Variants in SMAP1 observed in about 807,000 individuals in gnomAD.
SMAP1 encodes stromal membrane-associated protein 1.
Under a neutral mutation model 58.5 loss-of-function variants are expected in SMAP1, and 24 were observed. That is an observed-to-expected ratio of 0.41 (90% CI 0.30 to 0.58). The LOEUF (loss-of-function observed/expected upper bound fraction) is 0.58. SMAP1 is among the 20% of genes least tolerant of loss of function. The pLI is 0.29. For missense variants in SMAP1, 563 were observed against 566.3 expected (o/e 0.99, Z 0.06); for synonymous variants, 216 against 196.6 (o/e 1.10, Z -0.82).
intron 1 of SMAP1, among the ~76,000 whole-genome samples, chr6:70,671,083 G>A (rs1766243820): frequency 6.6e-6 from 1 of 152,210 alleles, no homozygotes; most frequent in African/African-American, 2.4e-5. Flanking sequence ...TTAGTTGGTG[G>A]CACTTTAGGG....
At chr6:70,705,739 T>C (rs1376590805) in intron 1 of SMAP1, among the ~76,000 whole-genome samples, 2 of 152,176 alleles carry the variant, frequency 1.3e-5, no homozygotes, top group African/African-American at 4.8e-5. Context: ...AGCGTTCTTA[T>C]TGTGCCAGGT....
intron 2 of SMAP1, among the ~76,000 whole-genome samples, chr6:70,751,420 GCTTGA>G (rs1164348125): frequency 2.6e-5 from 4 of 151,772 alleles, no homozygotes; most frequent in African/African-American, 9.7e-5. Context: ...CTCCTCACTT[GCTTGA>G]CTTGTTTTTT....
chr6:70,749,260 A>G (rs1582109046), intron 2 of SMAP1, among the ~76,000 whole-genome samples: 1 of 152,298 alleles, frequency 6.6e-6, no homozygotes, highest in South Asian at 2.1e-4. Context: ...TGAGAACAGC[A>G]TGGGGGAACA....
chr6:70,680,344 A>T (rs920435958), intron 1 of SMAP1, among the ~76,000 whole-genome samples: 2 of 152,250 alleles, frequency 1.3e-5, no homozygotes, highest in African/African-American at 4.8e-5. Context: ...AATGAACTTC[A>T]TTAAAATTAA....
At chr6:70,742,876 A>G (rs958219271) in intron 2 of SMAP1, among the ~76,000 whole-genome samples, 24 of 152,226 alleles carry the variant, frequency 1.6e-4, no homozygotes, top group Admixed American at 1.6e-3. Flanking sequence ...CAAGTGAAAG[A>G]GGTTTCCTCT....
chr6:70,730,868 C>T (rs889744912), intron 1 of SMAP1, among the ~76,000 whole-genome samples: 1 of 152,126 alleles, frequency 6.6e-6, no homozygotes, highest in African/African-American at 2.4e-5. Context: ...GGCGGGATCT[C>T]GACTCACTGC....
chr6:70,781,623 G>A (rs560039511), intron 4 of SMAP1, among the ~76,000 whole-genome samples: 2 of 152,286 alleles, frequency 1.3e-5, no homozygotes, highest in South Asian at 4.1e-4. Context: ...ATGTTTTTCA[G>A]TGACTGTATC....
intron 6 of SMAP1, among the ~76,000 whole-genome samples, chr6:70,804,856 T>C (rs190891000): frequency 2.0e-5 from 3 of 152,318 alleles, no homozygotes; most frequent in Admixed American, 1.3e-4. Flanking sequence ...GTGTTTCTGC[T>C]GAGAGATCTG....
intron 3 of SMAP1, among the ~76,000 whole-genome samples, chr6:70,759,581 C>G (rs575837872): frequency 3.0e-4 from 46 of 152,142 alleles, no homozygotes; most frequent in African/African-American, 1.1e-3. Flanking sequence ...TTGGTATCCT[C>G]ACTTATTGAA....
intron 2 of SMAP1, among the ~76,000 whole-genome samples, chr6:70,736,114 ATATGT>A (rs746444741): frequency 6.6e-6 from 1 of 151,396 alleles, no homozygotes; most frequent in Non-Finnish European, 1.5e-5. Context: ...TTATTTATGT[ATATGT>A]TATGTGTTTC....
chr6:70,721,470 A>C (rs1768524998), intron 1 of SMAP1, among the ~76,000 whole-genome samples: 1 of 152,210 alleles, frequency 6.6e-6, no homozygotes, highest in Non-Finnish European at 1.5e-5. Flanking sequence ...AAAGCCATTC[A>C]ACAAGTCTCT....
intron 1 of SMAP1, among the ~76,000 whole-genome samples, chr6:70,689,690 C>T (rs1767078121): frequency 1.3e-5 from 2 of 152,066 alleles, no homozygotes; most frequent in Non-Finnish European, 2.9e-5. Context: ...TAGAGTCTTC[C>T]AATCTGAACA....
In SMAP1 at chr6:70,750,054, TTTAA is replaced by T. The variant is rs573225473; in HGVS notation, c.253-4922_253-4919del. 5.0e-3 allele frequency among the ~76,000 whole-genome samples: 762 copies of T among 152,308 alleles called. 7 individuals carry two copies. The highest frequency in any genetic ancestry group is 8.1e-3 in the Non-Finnish European group (548 of 68,024). ...GTCATTTATTTTGCCTCTTATTATA[TTTAA>T]TTATTGTTTCCTGATCCTGACAGTG... On this transcript the variant is annotated intron_variant, in intron 2 of 10. Coordinates refer to ENST00000370455, the MANE Select transcript of SMAP1 (RefSeq NM_001044305.3).
intron 2 of SMAP1, among the ~76,000 whole-genome samples, chr6:70,752,606 C>G (rs1766324172): frequency 6.6e-6 from 1 of 152,012 alleles, no homozygotes; most frequent in South Asian, 2.1e-4. Flanking sequence ...GCCTTGAGTC[C>G]TTGAGGACAG....
Position 70,773,351 on chromosome 6 carries a change from G to A in SMAP1, c.340G>A (p.Ala114Thr). 1 of 1,560,196 alleles carries A rather than the reference G, an allele frequency of 6.4e-7. No individual in the cohort carries two copies. The highest frequency in any genetic ancestry group is 8.8e-7 in the Non-Finnish European group (1 of 1,138,678). ...TTTCCTTAAGTTATCTGTTTTCAGA[G>A]CAGTGGAATTTTTCATCAGAGATAA... is the stretch of plus-strand genomic sequence containing the variant. ...ENFRRPQTDQAVEFFIRDKYE... is the reference protein window; with the variant it reads ...ENFRRPQTDQTVEFFIRDKYE... Residue 114 changes from alanine to threonine, a missense_variant and splice_region_variant, in exon 4 of 11, where the codon GCA becomes ACA. By Grantham distance (58) the Ala-to-Thr change is moderately conservative. Coordinates refer to ENST00000370455, the MANE Select transcript of SMAP1 (RefSeq NM_001044305.3).
intron 1 of SMAP1, among the ~76,000 whole-genome samples, chr6:70,695,256 A>G (rs530984273): frequency 6.6e-6 from 1 of 152,236 alleles, no homozygotes; most frequent in African/African-American, 2.4e-5. Context: ...TTTCCTTTCC[A>G]AATTGGATGC....
chr6:70,792,562 C>T (rs570707457), intron 5 of SMAP1, among the ~76,000 whole-genome samples: 12 of 152,102 alleles, frequency 7.9e-5, no homozygotes, highest in African/African-American at 2.9e-4. Context: ...GGTACGCTCA[C>T]TGTACTGCAG....
At chr6:70,699,596 G>A (rs1362400079) in intron 1 of SMAP1, among the ~76,000 whole-genome samples, 2 of 151,818 alleles carry the variant, frequency 1.3e-5, no homozygotes, top group African/African-American at 2.4e-5. Flanking sequence ...CTGTGGCTGA[G>A]TTGGCATCCA....
At chr6:70,800,327 A>G (rs1768789671) in intron 6 of SMAP1, among the ~76,000 whole-genome samples, 1 of 151,712 alleles carries the variant, frequency 6.6e-6, no homozygotes, top group African/African-American at 2.4e-5. Context: ...AAAAACAAAA[A>G]TCTTCCTTTT....
Sources: gnomAD v4.1 joint callset for allele counts (sites outside exome capture counted in the v4.1 genomes callset) on GRCh38, gnomAD v4.1.1 for gene constraint, MANE v1.5 for transcripts, NCBI Gene and HGNC (gene_info 2026-07-23, HGNC 2026-07-21) for gene names.